AKAP6: variants seen among roughly 807,000 people sequenced by gnomAD.
The protein encoded by AKAP6 is A-kinase anchor protein 6.
A neutral mutation model predicts 188.5 loss-of-function variants in AKAP6; 58 were observed. The ratio of observed to expected loss-of-function variants is 0.31; its 90% CI spans 0.25 to 0.38. AKAP6 has a LOEUF of 0.38. Among genes scored for constraint, AKAP6 ranks in the 10% least tolerant of loss-of-function variants. The pLI is 1.00. For missense variants in AKAP6, 2,710 were observed against 2,740.0 expected, an observed-to-expected ratio of 0.99 and a Z score of 0.24; for synonymous variants, 989 against 998.6, an observed-to-expected ratio of 0.99 and a Z score of 0.18.
At chr14:32,825,351 T>C (rs1004047677) in intron 13 of AKAP6, among the ~76,000 whole-genome samples, 1 of 152,194 alleles carries the variant, frequency 6.6e-6, no homozygotes, top group African/African-American at 2.4e-5. Flanking sequence ...TCACAACTCC[T>C]AATCACGGCC....
chr14:32,775,433 CT>C (rs112257013), intron 12 of AKAP6, among the ~76,000 whole-genome samples: 8,989 of 120,396 alleles, frequency 0.075, 548 homozygotes, highest in East Asian at 0.3. Flanking sequence ...CATTTTTATC[CT>C]TTTTTTTTTT....
intron 1 of AKAP6, among the ~76,000 whole-genome samples, chr14:32,399,811 TA>T (rs1280009873): frequency 6.6e-6 from 1 of 152,196 alleles, no homozygotes; most frequent in African/African-American, 2.4e-5. Context: ...CTTATAATAA[TA>T]GTTTAAAACC....
At chr14:32,637,020 A>C (rs1316123044) in intron 7 of AKAP6, among the ~76,000 whole-genome samples, 1 of 152,052 alleles carries the variant, frequency 6.6e-6, no homozygotes, top group Non-Finnish European at 1.5e-5. Context: ...GACAGGATGG[A>C]TCCAAGAGAT....
chr14:32,824,755 T>C lies in AKAP6; in HGVS notation c.6942T>C (p.His2314=), dbSNP rs2034632703. The change falls in exon 13 of 14, where the codon CAT becomes CAC. Residue 2314 remains histidine, a synonymous_variant. Coordinates refer to ENST00000280979, the MANE Select transcript of AKAP6 (RefSeq NM_004274.5). ...TTCTAAACCTTCATGAAAAACGACA[T>C]AGAAATATGCATAGGTAGAATGTAC... ...ENLLNLHEKR[H]RNMHR 6 of 1,612,466 alleles carry C rather than the reference T, an allele frequency of 3.7e-6. No individual in the cohort carries two copies. Among genetic ancestry groups the C allele is most frequent in the Non-Finnish European group, 5.1e-6 (6 of 1,179,382 alleles).
rs71115086 is a variant in AKAP6, at chr14:32,615,167, C to CAAAA, written c.2730+14391_2730+14394dup. Among the ~76,000 whole-genome samples the CAAAA allele has an allele frequency of 3.8e-3, 203 of 53,486 alleles. 19 individuals carry two copies. Among genetic ancestry groups the CAAAA allele is most frequent in the South Asian group, 0.013 (15 of 1,146 alleles). 35.1% of individuals were successfully genotyped at this position (53,486 alleles called of 152,430 possible). On this transcript the variant is annotated intron_variant, in intron 7 of 13. Transcript: ENST00000280979. Reference sequence around the variant, plus strand: ...CTGGCAACAGAGCAAGACTCTGTCTCAAAAAAAAAAAAAAAAAAAGATAAA... The same window carrying CAAAA: ...CTGGCAACAGAGCAAGACTCTGTCTCAAAAAAAAAAAAAAAAAAAAAAAGATAAA...
chr14:32,647,660 C>T (rs1009117535), intron 7 of AKAP6, among the ~76,000 whole-genome samples: 9 of 151,954 alleles, frequency 5.9e-5, no homozygotes, highest in Non-Finnish European at 7.4e-5. Context: ...AAAAAAAATC[C>T]ACAATGTTGA....
At chr14:32,600,819 T>C (rs1190665223) in intron 7 of AKAP6, 27 bp downstream of exon 7, 1 of 1,567,776 alleles carries the variant, frequency 6.4e-7, no homozygotes, top group Non-Finnish European at 8.6e-7. Flanking sequence ...TTGCCTTATT[T>C]CCTCTTATTT....
Position 32,349,604 on chromosome 14 carries a change from AAAT to A in AKAP6, c.-35+20202_-35+20204del, listed in dbSNP as rs201394901. On this transcript the variant is annotated intron_variant, in intron 1 of 13. Transcript: ENST00000280979. ...CCAAATTTATTACAAATGTGCATAAAAATAATAACAATGATGGATTCTTTCATT... is the reference window on the plus strand; with the variant it reads ...CCAAATTTATTACAAATGTGCATAAAAATAACAATGATGGATTCTTTCATT... Among the ~76,000 whole-genome samples the A allele has an allele frequency of 4.1e-3, 631 of 152,322 alleles. 7 individuals are homozygous for A. The highest frequency in any genetic ancestry group is 0.013 in the African/African-American group (533 of 41,572).
rs934726244 is a variant in AKAP6, at chr14:32,735,830, G to A, written c.3320G>A (p.Arg1107Lys). ...CTTTTCATCTTCAATTCCTGTCTGA[G>A]ACAAGAAAAGGAAGGAACAATGAAT... ...TELFIFNSCL[R>K]QEKEGTMNTE... The change falls in exon 11 of 14, where the codon AGA (arginine) becomes AAA (lysine). Residue 1107 changes from arginine to lysine, a missense_variant. Arg to Lys is a conservative substitution (Grantham distance 26). This residue lies in a region of AKAP6 where 2,473 missense variants were observed against 2,426.1 expected (regional missense o/e 1.02). Coordinates refer to ENST00000280979, the MANE Select transcript of AKAP6 (RefSeq NM_004274.5). The A allele has an allele frequency of 1.9e-6, 3 of 1,613,024 alleles. No homozygotes were observed. The highest frequency in any genetic ancestry group is 2.7e-5 in the African/African-American group (2 of 74,784).
At chr14:32,793,713 C>G (rs1594951667) in intron 12 of AKAP6, among the ~76,000 whole-genome samples, 1 of 151,838 alleles carries the variant, frequency 6.6e-6, no homozygotes, top group East Asian at 1.9e-4. Flanking sequence ...CCCAAAACAA[C>G]AGAATATACA....
intron 1 of AKAP6, among the ~76,000 whole-genome samples, chr14:32,388,453 C>T (rs182568014): frequency 6.6e-6 from 1 of 151,408 alleles, no homozygotes; most frequent in African/African-American, 2.4e-5. Flanking sequence ...TCTAGATTGT[C>T]TGTGCTCTTT....
At chr14:32,592,442 A>G (rs901731283) in intron 5 of AKAP6, among the ~76,000 whole-genome samples, 1 of 152,176 alleles carries the variant, frequency 6.6e-6, no homozygotes, top group African/African-American at 2.4e-5. Flanking sequence ...ATCTTAAAGG[A>G]TGCCCAGGGC....
intron 1 of AKAP6, among the ~76,000 whole-genome samples, chr14:32,359,983 A>G (rs765002883): frequency 6.6e-6 from 1 of 152,176 alleles, no homozygotes; most frequent in Non-Finnish European, 1.5e-5. Context: ...CACTGAGTTC[A>G]GTCACACTCA....
intron 2 of AKAP6, among the ~76,000 whole-genome samples, chr14:32,466,846 T>TA (rs879653303): frequency 4.5e-4 from 64 of 142,574 alleles, no homozygotes; most frequent in Non-Finnish European, 7.2e-4. Context: ...TATATATATA[T>TA]TTTCTTTCTT....
chr14:32,807,069 A>AAT lies in AKAP6; in HGVS notation c.3589-14315_3589-14314dup, dbSNP rs10570126. Among the ~76,000 whole-genome samples the AAT allele has an allele frequency of 9.2e-4, 137 of 149,590 alleles. 3 individuals are homozygous for AAT. The highest frequency in any genetic ancestry group is 7.1e-3 in the Middle Eastern group (2 of 282). ...ACTCCATCTCAAAGAAAGGGGGGGA[A>AAT]ATATATATATATATATATAAAATCC... On this transcript the variant is annotated intron_variant, in intron 12 of 13. Transcript: ENST00000280979.
chr14:32,342,384 C>T (rs1043460914), intron 1 of AKAP6, among the ~76,000 whole-genome samples: 1 of 152,148 alleles, frequency 6.6e-6, no homozygotes, highest in Non-Finnish European at 1.5e-5. Context: ...TCCATGTCTA[C>T]CCTCACCTAA....
intron 8 of AKAP6, among the ~76,000 whole-genome samples, chr14:32,692,423 G>A (rs1279168514): frequency 6.6e-6 from 1 of 152,084 alleles, no homozygotes; most frequent in Non-Finnish European, 1.5e-5. Flanking sequence ...ACTATAAAAA[G>A]AGGAGGAGGT....
intron 7 of AKAP6, among the ~76,000 whole-genome samples, chr14:32,618,931 TC>T (rs1886700669): frequency 6.6e-6 from 1 of 152,166 alleles, no homozygotes; most frequent in South Asian, 2.1e-4. Context: ...TCCCTGATGA[TC>T]AGTGATTTTA....
intron 2 of AKAP6, among the ~76,000 whole-genome samples, chr14:32,526,528 C>T (rs1473280167): frequency 6.6e-6 from 1 of 152,142 alleles, no homozygotes; most frequent in African/African-American, 2.4e-5. Flanking sequence ...GCCACAGTGC[C>T]TGGCCCAGGC....
Sources: allele counts gnomAD v4.1 joint callset (sites outside exome capture counted in the v4.1 genomes callset), GRCh38; gene constraint gnomAD v4.1.1; regional missense constraint gnomAD v4.1.1; transcripts MANE v1.5; gene names NCBI Gene and HGNC (gene_info 2026-07-23, HGNC 2026-07-21).